PSD3: variants seen among roughly 807,000 people sequenced by gnomAD.
PSD3 encodes the protein pleckstrin and Sec7 domain containing 3.
In PSD3, 49 loss-of-function variants were observed where a neutral mutation model predicts 105.5. The observed-to-expected ratio is 0.46, with a 90% CI of 0.37 to 0.59. PSD3 has a LOEUF of 0.59. PSD3 is among the 20% of genes least tolerant of loss of function. The pLI is 0.00. For missense variants in PSD3, 1,561 were observed against 1,263.8 expected (o/e 1.24, Z -3.57); for synonymous variants, 557 against 457.8 (o/e 1.22, Z -2.77).
chr8:18,619,557 G>A (rs571572526), intron 11 of PSD3, among the ~76,000 whole-genome samples: 21 of 151,972 alleles, frequency 1.4e-4, no homozygotes, highest in East Asian at 3.9e-4. Context: ...GCAGGAGAAC[G>A]GTTTGAACCC....
intron 4 of PSD3, among the ~76,000 whole-genome samples, chr8:18,811,785 G>T (rs1230872191): frequency 1.3e-5 from 2 of 152,170 alleles, no homozygotes; most frequent in Admixed American, 6.5e-5. Context: ...AGAATACCCA[G>T]AGAGCAAATG....
intron 9 of PSD3, among the ~76,000 whole-genome samples, chr8:18,746,185 T>C (rs117620007): frequency 0.021 from 3,263 of 152,272 alleles, 58 homozygotes; most frequent in Non-Finnish European, 0.03. Context: ...AATTGGTTTT[T>C]CTACACTGTC....
At chr8:18,799,790 G>C (rs117581191) in intron 7 of PSD3, among the ~76,000 whole-genome samples, 2,444 of 152,274 alleles carry the variant, frequency 0.016, 29 homozygotes, top group Middle Eastern at 0.031. Context: ...TGTTCTCCAA[G>C]TAGAGTTAAG....
chr8:19,062,166 A>G (rs1199409566), intron 1 of PSD3, among the ~76,000 whole-genome samples: 1 of 152,224 alleles, frequency 6.6e-6, no homozygotes, highest in Non-Finnish European at 1.5e-5. Context: ...TACACAATGT[A>G]TTCCTACCAA....
Position 18,589,258 on chromosome 8 carries a change from C to G in PSD3, c.2481+11106G>C, listed in dbSNP as rs569286812. ...GGAAAATAAAGACAGTATGAGATAG[C>G]CAGCCACCTAAGAGCATGGATAATC... On this transcript the variant is annotated intron_variant, in intron 12 of 15. Coordinates refer to ENST00000327040, the MANE Select transcript of PSD3 (RefSeq NM_015310.4). Among the ~76,000 whole-genome samples, 21 of 152,120 alleles carry G rather than the reference C, an allele frequency of 1.4e-4. 1 individual carries two copies. Among genetic ancestry groups the G allele is most frequent in the Admixed American group, 1.3e-3 (20 of 15,266 alleles).
intron 4 of PSD3, among the ~76,000 whole-genome samples, chr8:18,822,752 G>C (rs540392387): frequency 6.6e-6 from 1 of 152,182 alleles, no homozygotes; most frequent in Non-Finnish European, 1.5e-5. Context: ...TGACATTTCA[G>C]AATGAAATTC....
At chr8:18,801,215 T>G in intron 7 of PSD3, 55 bp downstream of exon 7, 1 of 1,113,052 alleles carries the variant, frequency 9.0e-7, no homozygotes, top group South Asian at 1.5e-5. Flanking sequence ...ACTTTCATAA[T>G]AAGGAAAATA....
chr8:18,909,818 G>A (rs1820085468), intron 2 of PSD3, among the ~76,000 whole-genome samples: 1 of 152,132 alleles, frequency 6.6e-6, no homozygotes. Flanking sequence ...ATTCTACAAT[G>A]TTTTAAGTAA....
intron 11 of PSD3, among the ~76,000 whole-genome samples, chr8:18,605,953 G>C (rs975567560): frequency 6.6e-6 from 1 of 152,112 alleles, no homozygotes; most frequent in Non-Finnish European, 1.5e-5. Flanking sequence ...TTCCTGTATA[G>C]CCTGTGGATC....
chr8:18,878,823 G>A (rs987858398), intron 2 of PSD3, among the ~76,000 whole-genome samples: 2 of 151,968 alleles, frequency 1.3e-5, no homozygotes, highest in Admixed American at 6.6e-5. Context: ...TGTTACTCAC[G>A]CCTTAAAGCT....
chr8:19,044,987 C>A (rs1252574378), intron 1 of PSD3, among the ~76,000 whole-genome samples: 1 of 152,092 alleles, frequency 6.6e-6, no homozygotes, highest in Non-Finnish European at 1.5e-5. Flanking sequence ...GAGTTCAAGA[C>A]CAGCCAGTCC....
In PSD3 at chr8:18,799,343, A is replaced by G. The variant is rs1377242201; in HGVS notation, c.2034T>C (p.His678=). Residue 678 remains histidine, a synonymous_variant, in exon 8 of 16, where the codon CAT becomes CAC. Coordinates refer to ENST00000327040, the MANE Select transcript of PSD3 (RefSeq NM_015310.4). ...PDTIASQDGV[H]CLTCAIMLLN... is the part of the protein sequence containing the mutation. ...GAAGCATTATTGCACAGGTAAGGCA[A>G]TGGACTCCATCTAAAGAAAGATACA... is the stretch of plus-strand genomic sequence containing the variant. 7.5e-6 allele frequency: 12 copies of G among 1,604,468 alleles called. No individual in the cohort carries two copies. In the Admixed American group the frequency reaches 1.2e-4, roughly 16 times the overall value.
At chr8:18,619,093 C>T (rs77924657) in intron 11 of PSD3, among the ~76,000 whole-genome samples, 1,569 of 152,176 alleles carry the variant, frequency 0.01, 19 homozygotes, top group Admixed American at 0.015. Context: ...TGCTTCAAAG[C>T]TCAAATTCTT....
chr8:18,768,613 T>C (rs1807232121), intron 8 of PSD3, among the ~76,000 whole-genome samples: 1 of 152,140 alleles, frequency 6.6e-6, no homozygotes, highest in African/African-American at 2.4e-5. Flanking sequence ...ACAGGCATCA[T>C]TTTAAGGGAA....
rs553795985 is a variant in PSD3, at chr8:18,683,936, C to T, written c.2173-28251G>A. ...GGACACTATTCACGCCAATCATTTT[C>T]GAAGGTCAACTAAGGAAGGGGTTTA... On this transcript the variant is annotated intron_variant, in intron 9 of 15. Transcript: ENST00000327040. The T allele has an allele frequency of 1.2e-5, 9 of 761,482 alleles. No individual in the cohort carries two copies. The East Asian group carries it at 1.2e-4, about 10-fold the overall frequency. The allele number at this position is 761,482 out of a possible 1,614,324, so 47.2% of individuals were successfully genotyped here.
At chr8:18,775,655 A>T (rs1204462625) in intron 8 of PSD3, among the ~76,000 whole-genome samples, 6 of 152,184 alleles carry the variant, frequency 3.9e-5, no homozygotes, top group Non-Finnish European at 8.8e-5. Flanking sequence ...CTATTCAATC[A>T]AAAATTTTGC....
At chr8:19,078,037 T>C (rs1197507856) in intron 1 of PSD3, among the ~76,000 whole-genome samples, 1 of 151,974 alleles carries the variant, frequency 6.6e-6, no homozygotes, top group South Asian at 2.1e-4. Flanking sequence ...GAAAAAAAAA[T>C]TTGTTCTTTT....
chr8:18,617,555 A>C (rs13268404), intron 11 of PSD3, among the ~76,000 whole-genome samples: 87,373 of 152,000 alleles, frequency 0.57, 25,427 homozygotes, highest in Middle Eastern at 0.74. Flanking sequence ...CAAAACTCTT[A>C]TATTTATATA....
At chr8:18,581,600 G>A (rs1441377791) in intron 12 of PSD3, among the ~76,000 whole-genome samples, 1 of 152,120 alleles carries the variant, frequency 6.6e-6, no homozygotes, top group African/African-American at 2.4e-5. Context: ...GTAGAAAGAA[G>A]TGTTCACCCG....
Sources: gnomAD v4.1 joint callset for allele counts (sites outside exome capture counted in the v4.1 genomes callset) on GRCh38, gnomAD v4.1.1 for gene constraint, MANE v1.5 for transcripts, NCBI Gene and HGNC (gene_info 2026-07-23, HGNC 2026-07-21) for gene names.